MCF2: variants seen among roughly 807,000 people sequenced by gnomAD.
The protein encoded by MCF2 is proto-oncogene DBL.
A neutral mutation model predicts 82.5 loss-of-function variants in MCF2; 44 were observed. The ratio of observed to expected loss-of-function variants is 0.53; its 90% CI spans 0.42 to 0.69. The LOEUF (loss-of-function observed/expected upper bound fraction) is 0.69, where lower values mean the gene tolerates loss of function less well. MCF2 is among the 30% of genes least tolerant of loss of function. MCF2 has a pLI of 0.00. For missense variants in MCF2, 623 were observed against 663.1 expected (o/e 0.94, Z 0.66); for synonymous variants, 217 against 224.9 (o/e 0.96, Z 0.32).
At chrX:139,623,417 T>A (rs1932553175) in intron 6 of MCF2, among the ~76,000 whole-genome samples, 1 of 111,553 alleles carries the variant, frequency 9.0e-6, no homozygotes, top group Admixed American at 9.5e-5. Context: ...CAAAATCATG[T>A]CTTTTGCAGC....
chrX:139,604,393 G>A (rs1369068373), intron 15 of MCF2, among the ~76,000 whole-genome samples: 2 of 110,394 alleles, frequency 1.8e-5, no homozygotes, highest in Non-Finnish European at 3.8e-5. Context: ...TCATAGTCAG[G>A]ATGGTCCCTG....
chrX:139,669,479 A>C (rs1934619853), intron 1 of MCF2, among the ~76,000 whole-genome samples: 1 of 112,523 alleles, frequency 8.9e-6, no homozygotes, highest in South Asian at 3.7e-4. Context: ...TACGGAATAG[A>C]GTTTTGCAAT....
intron 1 of MCF2, among the ~76,000 whole-genome samples, chrX:139,687,268 G>A (rs1222940821): frequency 8.9e-6 from 1 of 112,429 alleles, no homozygotes; most frequent in African/African-American, 3.2e-5. Flanking sequence ...CCCAGTGCTG[G>A]AAGTAACAAG....
intron 22 of MCF2, 85 bp from the exon 27 acceptor site, chrX:139,586,572 T>C: frequency 1.7e-6 from 1 of 583,089 alleles, no homozygotes; most frequent in Non-Finnish European, 2.8e-6. Context: ...CTTCCATTGA[T>C]ACCAAGTGTT....
Position 139,622,118 on chromosome X carries a change from C to T in MCF2, c.688-2412G>A, listed in dbSNP as rs747596423. ...AGAAGACATTTATGCAGCCAAAAAA[C>T]GCATGAAAAAATGCTCATCATCACT... On this transcript the variant is annotated intron_variant, in intron 6 of 24. Coordinates refer to ENST00000370576, the Ensembl canonical transcript of MCF2. 1.1e-4 allele frequency among the ~76,000 whole-genome samples: 12 copies of T among 112,103 alleles called. No individual in the cohort carries two copies. In the East Asian group the frequency reaches 2.5e-3, roughly 24 times the overall value.
chrX:139,633,377 A>C (rs1933020387), intron 1 of MCF2, among the ~76,000 whole-genome samples: 1 of 112,173 alleles, frequency 8.9e-6, no homozygotes, highest in Admixed American at 9.5e-5. Flanking sequence ...TGTGCAAAGC[A>C]TTTTGCCAAT....
At chrX:139,613,345 G>T (rs1035182338) in intron 10 of MCF2, 82 bp from the exon 14 acceptor site, 4 of 720,363 alleles carry the variant, frequency 5.6e-6, no homozygotes, top group Non-Finnish European at 8.3e-6. Flanking sequence ...GCTAATGAGT[G>T]ACTAATGACT....
rs780855754 is a variant in MCF2 at position 139,671,708 on chromosome X, T to C, written c.-44-19920A>G. 9.8e-5 allele frequency among the ~76,000 whole-genome samples: 11 copies of C among 112,025 alleles called. No homozygotes were observed. The South Asian group carries it at 3.4e-3, about 35-fold the overall frequency. ...TGGTACCAGTACTATGCTGTTTTGG[T>C]TACTGTAGCCTTGTAATATAGTTTG... On this transcript the variant is annotated intron_variant, in intron 1 of 27. Coordinates refer to the MCF2 transcript ENST00000414978.
At chrX:139,626,115 G>T in intron 6 of MCF2, 78 bp downstream of exon 9, 1 of 545,959 alleles carries the variant, frequency 1.8e-6, no homozygotes, top group Non-Finnish European at 2.8e-6. Flanking sequence ...CATCTTGCAA[G>T]GCAGGATTTC....
chrX:139,598,855 C>G (rs1163156476), intron 16 of MCF2, among the ~76,000 whole-genome samples: 1 of 111,121 alleles, frequency 9.0e-6, no homozygotes, highest in Non-Finnish European at 1.9e-5. Context: ...CACGAAAGAC[C>G]AAGCTCTACA....
chrX:139,607,785 A>G lies in MCF2; in HGVS notation c.1402-6T>C, dbSNP rs753304540. The G allele has an allele frequency of 8.6e-7, 1 of 1,163,308 alleles. No homozygotes were observed. The highest frequency in any genetic ancestry group is 1.8e-5 in the South Asian group (1 of 54,470). On this transcript the variant is annotated splice_polypyrimidine_tract_variant and splice_region_variant and intron_variant, in intron 11 of 24. Transcript: ENST00000370576. ...CAATCAGGCACCACTTCAATCTGAA[A>G]TACAGAAAATAAAAGTTAAATTAGC...
At chrX:139,705,240 G>T (rs1935568680) in intron 1 of MCF2, among the ~76,000 whole-genome samples, 1 of 111,718 alleles carries the variant, frequency 9.0e-6, no homozygotes, top group East Asian at 2.8e-4. Flanking sequence ...TTGAATCCAG[G>T]GGCATAGGTT....
At chrX:139,626,117 C>A in intron 6 of MCF2, 76 bp downstream of exon 9, 1 of 554,030 alleles carries the variant, frequency 1.8e-6, no homozygotes. Context: ...TCTTGCAAGG[C>A]AGGATTTCTC....
At chrX:139,586,166 T>C (rs983138187) in intron 23 of MCF2, among the ~76,000 whole-genome samples, 122 of 111,706 alleles carry the variant, frequency 1.1e-3, no homozygotes, top group Non-Finnish European at 1.9e-3. Context: ...GTGATGTTGA[T>C]TCTAGTGGTC....
chrX:139,662,858 T>C, intron 1 of MCF2, among the ~76,000 whole-genome samples: 1 of 111,737 alleles, frequency 8.9e-6, no homozygotes, highest in East Asian at 2.8e-4. Flanking sequence ...TGCCATGTGA[T>C]GAATTTTTTA....
intron 15 of MCF2, 142 bp from the exon 20 acceptor site, chrX:139,602,640 C>CT: frequency 9.5e-6 from 4 of 423,077 alleles, no homozygotes; most frequent in Non-Finnish European, 8.2e-6. Context: ...GGTCAAAAGC[C>CT]TTTTTTATAT....
At chrX:139,681,050 A>T (rs1665180831) in intron 1 of MCF2, among the ~76,000 whole-genome samples, 2 of 112,615 alleles carry the variant, frequency 1.8e-5, no homozygotes, top group Admixed American at 1.9e-4. Flanking sequence ...AAACTCAAAG[A>T]TGCCCCCAAA....
intron 11 of MCF2, among the ~76,000 whole-genome samples, chrX:139,609,064 T>C (rs1931285092): frequency 8.9e-6 from 1 of 112,510 alleles, no homozygotes; most frequent in Admixed American, 9.4e-5. Flanking sequence ...GTGTTCTATT[T>C]TTATGCCCAT....
At chrX:139,637,019 C>G (rs967080517) in intron 1 of MCF2, among the ~76,000 whole-genome samples, 2 of 111,172 alleles carry the variant, frequency 1.8e-5, no homozygotes, top group Non-Finnish European at 3.8e-5. Context: ...CACAAAAAGC[C>G]CAGAAAAACT....
Sources: gnomAD v4.1 joint callset for allele counts (sites outside exome capture counted in the v4.1 genomes callset) on GRCh38, gnomAD v4.1.1 for gene constraint, MANE v1.5 for transcripts, NCBI Gene and HGNC (gene_info 2026-07-23, HGNC 2026-07-21) for gene names.